Variants in MYCBP2 observed in about 807,000 individuals in gnomAD.
The protein encoded by MYCBP2 is MYC binding protein 2.
MYCBP2 carries 120 observed loss-of-function variants against 525.3 expected under a neutral mutation model. The observed-to-expected ratio is 0.23, with a 90% CI of 0.20 to 0.27. MYCBP2 has a LOEUF of 0.27. MYCBP2 is among the 10% of genes least tolerant of loss of function. MYCBP2 has a pLI of 1.00. For synonymous variants in MYCBP2, 1,894 were observed against 1,955.8 expected (o/e 0.97, Z 0.83); for missense variants, 4,149 against 5,657.1 (o/e 0.73, Z 8.55).
In MYCBP2 at chr13:77,140,143, C is replaced by CT; in HGVS notation, c.7421dup (p.Asp2475GlyfsTer9). ...TACGGATGCGAAGCCCCGCACTGTC[C>CT]TTGGCCACAAATTTTCGAACCTGAG... On this transcript the variant is annotated frameshift_variant, in exon 51 of 83. Transcript: ENST00000544440. LOFTEE classifies it high-confidence loss of function. The CT allele has an allele frequency of 6.2e-7, 1 of 1,603,864 alleles. No individual in the cohort carries two copies. Among genetic ancestry groups the CT allele is most frequent in the Non-Finnish European group, 8.5e-7 (1 of 1,177,130 alleles).
chr13:77,175,392 T>C (rs2059597373), intron 36 of MYCBP2, among the ~76,000 whole-genome samples: 1 of 151,962 alleles, frequency 6.6e-6, no homozygotes, highest in African/African-American at 2.4e-5. Flanking sequence ...AAAAAACCCA[T>C]AGGAAAAAAG....
Position 77,257,804 on chromosome 13 carries a change from A to C in MYCBP2, c.2043T>G (p.His681Gln). The C allele has an allele frequency of 6.2e-7, 1 of 1,608,190 alleles. No homozygotes were observed. Residue 681 changes from histidine (H) to glutamine (Q), a missense_variant, in exon 14 of 83, where the codon CAT becomes CAG. This residue lies in a region of MYCBP2 where 262 missense variants were observed against 419.3 expected (regional missense o/e 0.62). Coordinates refer to ENST00000544440, the MANE Select transcript of MYCBP2 (RefSeq NM_015057.5). ...TGCCCATAGCTACCTGAGTTACAAA[A>C]TGGCCCTTCAAATCAGTTACCAAAC... ...SSSLVTDLKG[H>Q]FVTQVAMGKA...
In MYCBP2 at chr13:77,098,076, A is replaced by G. The variant is rs1337175519; in HGVS notation, c.9078T>C (p.Ser3026=). ...LEPAKQAMSP[S]VAECARAVFA... is the part of the protein sequence containing the mutation. ...ACACAGCTCTGGCACATTCGGCCAC[A>G]GAAGGAGACATGGCTTGCTTGGCTG... The change falls in exon 56 of 83, where the codon TCT becomes TCC. Residue 3026 remains serine, a synonymous_variant. Coordinates refer to ENST00000544440, the MANE Select transcript of MYCBP2 (RefSeq NM_015057.5). 1.9e-6 allele frequency: 3 copies of G among 1,613,610 alleles called. No homozygotes were observed. The highest frequency in any genetic ancestry group is 2.5e-6 in the Non-Finnish European group (3 of 1,179,772).
At chr13:77,156,352 T>A (rs529305914) in intron 45 of MYCBP2, 150 bp from the exon 46 acceptor site, 1 of 695,348 alleles carries the variant, frequency 1.4e-6, no homozygotes, top group African/African-American at 1.8e-5. Context: ...TAATCATGAG[T>A]GTCTCCCTCA....
intron 62 of MYCBP2, among the ~76,000 whole-genome samples, chr13:77,084,129 T>C (rs964025022): frequency 6.6e-6 from 1 of 152,224 alleles, no homozygotes; most frequent in East Asian, 1.9e-4. Context: ...TATATAACAT[T>C]CTGCAATGAA....
intron 14 of MYCBP2, among the ~76,000 whole-genome samples, chr13:77,255,308 T>C (rs948993828): frequency 3.9e-5 from 6 of 152,002 alleles, no homozygotes; most frequent in Admixed American, 3.3e-4. Context: ...GCACTGTATG[T>C]GTCTTACTTT....
chr13:77,179,996 A>G (rs1643894304), intron 34 of MYCBP2, 131 bp downstream of exon 34: 1 of 654,640 alleles, frequency 1.5e-6, no homozygotes, highest in Non-Finnish European at 2.6e-6. Context: ...GGCAAAAAAG[A>G]AAAACAATGC....
At chr13:77,291,806 G>A (rs925708519) in intron 2 of MYCBP2, among the ~76,000 whole-genome samples, 3 of 151,290 alleles carry the variant, frequency 2.0e-5, no homozygotes, top group Admixed American at 2.0e-4. Context: ...TACATTTACC[G>A]TGCCCACTCT....
chr13:77,306,869 G>A (rs558842998), intron 1 of MYCBP2, among the ~76,000 whole-genome samples: 4 of 152,188 alleles, frequency 2.6e-5, no homozygotes, highest in Admixed American at 6.5e-5. Context: ...GACTTCAGAT[G>A]GTGGGATTTT....
rs751935629 is a variant in MYCBP2, at chr13:77,206,728, G to A, written c.3514C>T (p.Leu1172=). ...AADMQSRCSI[L]SPELALPTGS... ...GTTGGTAAGGCAAGTTCAGGACTTAGGATACTACATCTGGACTGCATGTCT... is the reference window on the plus strand; with the variant it reads ...GTTGGTAAGGCAAGTTCAGGACTTAAGATACTACATCTGGACTGCATGTCT... The change falls in exon 24 of 83, where the codon CTA becomes TTA. Residue 1172 remains leucine (L), a synonymous_variant. Transcript: ENST00000544440. 8 of 1,612,912 alleles carry A rather than the reference G, an allele frequency of 5.0e-6. No homozygotes were observed. The highest frequency in any genetic ancestry group is 6.8e-6 in the Non-Finnish European group (8 of 1,179,390).
chr13:77,075,594 A>C (rs1594273968), intron 68 of MYCBP2: 1 of 152,212 alleles, frequency 6.6e-6, no homozygotes, highest in East Asian at 1.9e-4. Context: ...GGTACTCTGA[A>C]AGCCAATGTC....
intron 80 of MYCBP2, among the ~76,000 whole-genome samples, chr13:77,055,310 T>C (rs1337296800): frequency 6.6e-6 from 1 of 152,140 alleles, no homozygotes; most frequent in Non-Finnish European, 1.5e-5. Context: ...AGGTTATTAC[T>C]GATGGGAAGC....
chr13:77,049,040 T>G (rs914205761), intron 82 of MYCBP2, among the ~76,000 whole-genome samples: 2 of 152,218 alleles, frequency 1.3e-5, no homozygotes, highest in Non-Finnish European at 2.9e-5. Context: ...AACGTGTGAC[T>G]GATTTTTCTC....
chr13:77,218,549 G>A (rs1257451068), intron 20 of MYCBP2, among the ~76,000 whole-genome samples: 1 of 152,112 alleles, frequency 6.6e-6, no homozygotes, highest in Non-Finnish European at 1.5e-5. Flanking sequence ...ACCAGACTTC[G>A]AACAAGTTTT....
chr13:77,072,365 G>A (rs2041521605), intron 68 of MYCBP2, among the ~76,000 whole-genome samples: 1 of 150,312 alleles, frequency 6.7e-6, no homozygotes, highest in East Asian at 1.9e-4. Flanking sequence ...TGAATTGAAT[G>A]AAAATAAAAA....
chr13:77,158,214 C>A lies in MYCBP2; in HGVS notation c.6598-105G>T, dbSNP rs1186064303. 1.1e-5 allele frequency: 7 copies of A among 622,846 alleles called. 1 individual carries two copies. Among genetic ancestry groups the A allele is most frequent in the Non-Finnish European group, 1.7e-5 (7 of 408,610 alleles). 38.6% of individuals were successfully genotyped at this position (622,846 alleles called of 1,614,324 possible). A position where few individuals can be genotyped will look rare whatever the true frequency, so the allele number is the denominator to read the frequency against. ...TTCAGATAGGCCTTTACGGAGAAAT[C>A]ATTTTCTCCACGTACCCCACTGTTC... is the stretch of plus-strand genomic sequence containing the variant. On this transcript the variant is annotated intron_variant, in intron 44 of 82. Transcript: ENST00000544440.
chr13:77,278,422 A>G (rs574836935), intron 4 of MYCBP2, among the ~76,000 whole-genome samples: 1 of 152,314 alleles, frequency 6.6e-6, no homozygotes, highest in African/African-American at 2.4e-5. Flanking sequence ...TGGAACACAG[A>G]AAAAAATACT....
intron 15 of MYCBP2, among the ~76,000 whole-genome samples, chr13:77,248,466 G>C (rs1334126868): frequency 6.6e-6 from 1 of 152,064 alleles, no homozygotes; most frequent in Non-Finnish European, 1.5e-5. Context: ...CAAAGGACTT[G>C]AATAGCATTT....
intron 12 of MYCBP2, 63 bp from the exon 13 acceptor site, chr13:77,260,655 G>A: frequency 7.5e-7 from 1 of 1,342,110 alleles, no homozygotes; most frequent in South Asian, 1.4e-5. Context: ...ATAATGGTTT[G>A]TATATAAAGC....
Sources: allele counts gnomAD v4.1 joint callset (sites outside exome capture counted in the v4.1 genomes callset), GRCh38; gene constraint gnomAD v4.1.1; regional missense constraint gnomAD v4.1.1; transcripts MANE v1.5; gene names NCBI Gene and HGNC (gene_info 2026-07-23, HGNC 2026-07-21).